Variants in KALRN observed in about 807,000 individuals in gnomAD.
The protein encoded by KALRN is kalirin RhoGEF kinase.
A neutral mutation model predicts 353.7 loss-of-function variants in KALRN; 70 were observed. That is an observed-to-expected ratio of 0.20 (90% CI 0.16 to 0.24). The LOEUF (loss-of-function observed/expected upper bound fraction) is 0.24, where lower values mean the gene tolerates loss of function less well. KALRN is among the 10% of genes least tolerant of loss of function. The pLI is 1.00. For synonymous variants in KALRN, 1,391 were observed against 1,434.8 expected (o/e 0.97, Z 0.69); for missense variants, 2,791 against 3,756.7 (o/e 0.74, Z 6.72).
chr3:124,270,824 G>GTTTTTTTTTT (rs777615656), intron 5 of KALRN, among the ~76,000 whole-genome samples: 12 of 78,652 alleles, frequency 1.5e-4, no homozygotes, highest in Non-Finnish European at 2.2e-4. Flanking sequence ...TTTTTGTTTT[G>GTTTTTTTTTT]TTTTTTTTTT....
In KALRN at chr3:124,204,612, G is replaced by A. The variant is rs557175406; in HGVS notation, c.74-23378G>A. Among the ~76,000 whole-genome samples the A allele has an allele frequency of 5.0e-5, 6 of 120,584 alleles. No individual in the cohort carries two copies. In the South Asian group the frequency reaches 1.3e-3, roughly 26 times the overall value. 79.1% of individuals were successfully genotyped at this position (120,584 alleles called of 152,430 possible). A position where few individuals can be genotyped will look rare whatever the true frequency, so the allele number is the denominator to read the frequency against. On this transcript the variant is annotated intron_variant, in intron 1 of 59. Transcript: ENST00000682506. ...GTGTAGATCAAAGAAAAAAATTCCA[G>A]TCATTTATCTTTGGCTTTGGAATTC...
At chr3:124,690,958 G>A (rs1272583756) in intron 51 of KALRN, among the ~76,000 whole-genome samples, 1 of 152,204 alleles carries the variant, frequency 6.6e-6, no homozygotes. Flanking sequence ...TGGAAGGTCT[G>A]AAATGAAGTC....
chr3:124,577,865 CA>C (rs2074264391), intron 34 of KALRN, among the ~76,000 whole-genome samples: 2 of 121,410 alleles, frequency 1.6e-5, no homozygotes, highest in Admixed American at 1.7e-4. Context: ...ACCTCCAAAA[CA>C]AAACAAACAA....
At chr3:124,091,978 A>G (rs1357850714) in intron 1 of KALRN, among the ~76,000 whole-genome samples, 1 of 152,120 alleles carries the variant, frequency 6.6e-6, no homozygotes, top group Admixed American at 6.5e-5. Context: ...TGGGAGATGG[A>G]GAAATGAGCA....
chr3:124,487,128 C>T (rs2062651636), intron 28 of KALRN, among the ~76,000 whole-genome samples: 1 of 152,170 alleles, frequency 6.6e-6, no homozygotes, highest in Non-Finnish European at 1.5e-5. Flanking sequence ...GTATGGTTTG[C>T]AGATCTGTTG....
At chr3:124,278,745 C>G (rs568994268) in intron 5 of KALRN, among the ~76,000 whole-genome samples, 31 of 152,206 alleles carry the variant, frequency 2.0e-4, no homozygotes, top group Non-Finnish European at 3.5e-4. Flanking sequence ...CTTCTATTTC[C>G]TGTCCTCTCC....
At chr3:124,590,326 AG>A (rs2075650609) in intron 34 of KALRN, among the ~76,000 whole-genome samples, 1 of 152,214 alleles carries the variant, frequency 6.6e-6, no homozygotes, top group African/African-American at 2.4e-5. Context: ...CCTGTGGTAC[AG>A]CTGCATGCCC....
At chr3:124,069,629 T>G (rs985377330) in intron 1 of KALRN, among the ~76,000 whole-genome samples, 5 of 152,242 alleles carry the variant, frequency 3.3e-5, no homozygotes, top group Non-Finnish European at 7.3e-5. Context: ...TCCTTCATTG[T>G]GCAATGGGGA....
intron 33 of KALRN, among the ~76,000 whole-genome samples, chr3:124,521,129 G>T (rs2067129785): frequency 6.6e-6 from 1 of 152,222 alleles, no homozygotes; most frequent in African/African-American, 2.4e-5. Context: ...CAGGGTCTTT[G>T]CAGCACACAT....
chr3:124,623,939 T>C (rs1420312269), intron 34 of KALRN, among the ~76,000 whole-genome samples: 1 of 152,222 alleles, frequency 6.6e-6, no homozygotes, highest in Non-Finnish European at 1.5e-5. Context: ...CACTTATGTG[T>C]GTTGCATGGA....
intron 5 of KALRN, among the ~76,000 whole-genome samples, chr3:124,281,443 G>A (rs184823688): frequency 7.2e-5 from 11 of 152,272 alleles, no homozygotes; most frequent in African/African-American, 2.2e-4. Flanking sequence ...TGGAGAGTGA[G>A]ACTGGACTTG....
At chr3:124,339,073 T>G (rs1402821154) in intron 9 of KALRN, among the ~76,000 whole-genome samples, 1 of 152,184 alleles carries the variant, frequency 6.6e-6, no homozygotes, top group Non-Finnish European at 1.5e-5. Context: ...GAACCCCAGG[T>G]GATTCTTAAG....
intron 3 of KALRN, among the ~76,000 whole-genome samples, chr3:124,249,437 G>A (rs1394443730): frequency 6.6e-6 from 1 of 152,218 alleles, no homozygotes; most frequent in African/African-American, 2.4e-5. Context: ...GAGCTTAAAG[G>A]CAGGAAGAAG....
intron 51 of KALRN, among the ~76,000 whole-genome samples, chr3:124,685,260 G>A (rs2061508148): frequency 6.6e-6 from 1 of 152,092 alleles, no homozygotes; most frequent in South Asian, 2.1e-4. Context: ...TCTCCATGCA[G>A]ACCGATTTAT....
chr3:124,407,320 A>T (rs973421869), intron 13 of KALRN, among the ~76,000 whole-genome samples: 2 of 151,372 alleles, frequency 1.3e-5, no homozygotes, highest in Non-Finnish European at 2.9e-5. Flanking sequence ...TTTCTTTTAT[A>T]TATATATATA....
At chr3:124,650,277 C>T (rs904853443) in intron 37 of KALRN, among the ~76,000 whole-genome samples, 1 of 152,162 alleles carries the variant, frequency 6.6e-6, no homozygotes, top group Non-Finnish European at 1.5e-5. Flanking sequence ...GGTTGTACAG[C>T]TATTATCTCG....
rs147608662 is a variant in KALRN at position 124,717,457 on chromosome 3, T to C, written c.8415+72T>C. The C allele has an allele frequency of 2.0e-3, 2,178 of 1,086,110 alleles. 22 individuals carry two copies. In the African/African-American group the frequency reaches 0.026, roughly 13 times the overall value. 67.3% of individuals were successfully genotyped at this position (1,086,110 alleles called of 1,614,324 possible). A position where few individuals can be genotyped will look rare whatever the true frequency, so the allele number is the denominator to read the frequency against. On this transcript the variant is annotated intron_variant, in intron 59 of 59. Transcript: ENST00000682506. The stretch of plus-strand genomic sequence containing the variant: ...ATCCCAGCACTTTGGGAGGCCAAGG[T>C]GGGCGGATCACAAGGTCAGGAGATC...
At chr3:124,466,321 A>G (rs1011031132) in intron 25 of KALRN, among the ~76,000 whole-genome samples, 1 of 152,172 alleles carries the variant, frequency 6.6e-6, no homozygotes, top group East Asian at 1.9e-4. Context: ...ACTTATCTAC[A>G]CAAGACTTAG....
In KALRN at chr3:124,554,072, C is replaced by G. The variant is rs560201071; in HGVS notation, c.4936-8771C>G. The stretch of plus-strand genomic sequence containing the variant: ...GGAGTACAGAGATAAAGAACAGGCA[C>G]AGGCCAGGCACCGTGGCTTACGCCT... On this transcript the variant is annotated intron_variant, in intron 33 of 59. Coordinates refer to ENST00000682506, the MANE Select transcript of KALRN (RefSeq NM_001388419.1). Among the ~76,000 whole-genome samples, 69 of 152,330 alleles carry G rather than the reference C, an allele frequency of 4.5e-4. 1 individual carries two copies. Among genetic ancestry groups the G allele is most frequent in the African/African-American group, 3.4e-4 (14 of 41,576 alleles).
Sources: allele counts gnomAD v4.1 joint callset (sites outside exome capture counted in the v4.1 genomes callset), GRCh38; gene constraint gnomAD v4.1.1; transcripts MANE v1.5; gene names NCBI Gene and HGNC (gene_info 2026-07-23, HGNC 2026-07-21).